IRAG2: variants seen among roughly 807,000 people sequenced by gnomAD.
The protein encoded by IRAG2 is lymphoid restricted membrane protein.
IRAG2 carries 45 observed loss-of-function variants against 69.9 expected under a neutral mutation model. The observed-to-expected ratio is 0.64, with a 90% CI of 0.51 to 0.83. The LOEUF is 0.83. IRAG2 is among the 40% of genes least tolerant of loss of function. The pLI is 0.00. For missense variants in IRAG2, 520 were observed against 587.0 expected (o/e 0.89, Z 1.18); for synonymous variants, 193 against 202.4 (o/e 0.95, Z 0.40).
At chr12:25,031,272 G>A (rs1209193643) in intron 10 of IRAG2, among the ~76,000 whole-genome samples, 3 of 152,156 alleles carry the variant, frequency 2.0e-5, no homozygotes, top group Admixed American at 6.5e-5. Flanking sequence ...TGGCTACTCA[G>A]TTCCTCCCTA....
intron 6 of IRAG2, 99 bp from the exon 7 acceptor site, chr12:25,079,145 G>C (rs747789076): frequency 2.5e-6 from 3 of 1,184,246 alleles, no homozygotes; most frequent in Non-Finnish European, 3.8e-6. Context: ...GTAAATATGG[G>C]TTCATTTAGA....
At chr12:25,004,442 C>T in exon 1 of IRAG2, 1 of 1,232,082 alleles carries the variant, frequency 8.1e-7, no homozygotes, top group African/African-American at 1.6e-5. Flanking sequence ...ATTTCAAATC[C>T]AATTCAGCAG....
rs553246727 is a variant in IRAG2 at position 25,014,163 on chromosome 12, C to T, written c.897-1019C>T. ...GTGCTGGGATTACAGGCGTGAGCCA[C>T]CAGGCCCGGCCTAATTTTTTGTTTT... On this transcript the variant is annotated intron_variant, in intron 3 of 38. Coordinates refer to the IRAG2 transcript ENST00000636465. Among the ~76,000 whole-genome samples the T allele has an allele frequency of 2.2e-4, 34 of 151,878 alleles. 2 individuals are homozygous for T. Among genetic ancestry groups the T allele is most frequent in the African/African-American group, 8.0e-4 (33 of 41,478 alleles).
intron 18 of IRAG2, 48 bp from the exon 19 acceptor site, chr12:25,103,961 T>A: frequency 1.9e-6 from 3 of 1,602,952 alleles, no homozygotes; most frequent in African/African-American, 1.3e-5. Flanking sequence ...ACAGAAAATA[T>A]AAACGTATAT....
At chr12:25,032,647 T>C (rs957442253) in intron 12 of IRAG2, among the ~76,000 whole-genome samples, 1 of 152,218 alleles carries the variant, frequency 6.6e-6, no homozygotes, top group Non-Finnish European at 1.5e-5. Flanking sequence ...AAGATCAGGA[T>C]GCCAGCAGGG....
intron 2 of IRAG2, among the ~76,000 whole-genome samples, chr12:25,007,774 G>A (rs979805126): frequency 2.6e-5 from 4 of 152,080 alleles, no homozygotes; most frequent in African/African-American, 4.8e-5. Context: ...CACTCACCTC[G>A]GCTTCCCAAA....
intron 4 of IRAG2, among the ~76,000 whole-genome samples, chr12:25,065,382 G>GA (rs569407241): frequency 8.2e-4 from 125 of 152,184 alleles, no homozygotes; most frequent in Admixed American, 1.6e-3. Flanking sequence ...ATTTCTGATT[G>GA]ACCCTAAACC....
At chr12:25,015,527 C>CT (rs1232372374) in intron 5 of IRAG2, 4 of 741,494 alleles carry the variant, frequency 5.4e-6, no homozygotes, top group African/African-American at 1.8e-5. Context: ...TCACTTTGCT[C>CT]TTTTTTTGCA....
At chr12:25,010,526 TTC>T (rs377727719) in intron 2 of IRAG2, among the ~76,000 whole-genome samples, 101 of 152,338 alleles carry the variant, frequency 6.6e-4, no homozygotes, top group Middle Eastern at 6.8e-3. Context: ...GTCATTTTAT[TTC>T]TCTTTCTAAT....
At chr12:25,032,754 T>A (rs1419830985) in intron 12 of IRAG2, among the ~76,000 whole-genome samples, 1 of 152,188 alleles carries the variant, frequency 6.6e-6, no homozygotes, top group South Asian at 2.1e-4. Flanking sequence ...TTTGGCTTCT[T>A]CTTATAAGGA....
At chr12:25,016,575 C>A (rs1944530562) in intron 5 of IRAG2, among the ~76,000 whole-genome samples, 1 of 152,058 alleles carries the variant, frequency 6.6e-6, no homozygotes, top group African/African-American at 2.4e-5. Flanking sequence ...CCAGCCTGGC[C>A]AACATGGTGA....
intron 6 of IRAG2, among the ~76,000 whole-genome samples, chr12:25,077,330 T>TATATATG (rs1565563391): frequency 0.011 from 137 of 12,082 alleles, no homozygotes; most frequent in African/African-American, 0.02. Context: ...ATATATATGA[T>TATATATG]ATATATATGA....
At chr12:25,086,817 A>T (rs755209545) in intron 10 of IRAG2, among the ~76,000 whole-genome samples, 1 of 152,188 alleles carries the variant, frequency 6.6e-6, no homozygotes, top group African/African-American at 2.4e-5. Context: ...AGCTGGTGAG[A>T]ACACTTTTCT....
chr12:25,096,727 C>T, intron 14 of IRAG2, 183 bp from the exon 15 acceptor site: 3 of 469,170 alleles, frequency 6.4e-6, no homozygotes, highest in Non-Finnish European at 1.1e-5. Flanking sequence ...GTATATCTAC[C>T]CAGTACCCAA....
At chr12:25,038,719 A>G (rs75155368) in intron 16 of IRAG2, among the ~76,000 whole-genome samples, 7,268 of 152,276 alleles carry the variant, frequency 0.048, 401 homozygotes, top group African/African-American at 0.14. Flanking sequence ...ATTACAAAAT[A>G]TAATCTTTTA....
intron 16 of IRAG2, among the ~76,000 whole-genome samples, chr12:25,041,877 T>TA (rs146283765): frequency 0.78 from 116,223 of 148,570 alleles, 47,296 homozygotes; most frequent in South Asian, 0.89. Context: ...TGTGACCCAT[T>TA]TAAAAAAAAG....
chr12:25,060,258 T>G (rs1245078848), intron 1 of IRAG2, among the ~76,000 whole-genome samples: 1 of 152,146 alleles, frequency 6.6e-6, no homozygotes, highest in Non-Finnish European at 1.5e-5. Flanking sequence ...TTCAAAAGAT[T>G]TGGGTTTATT....
intron 6 of IRAG2, among the ~76,000 whole-genome samples, chr12:25,075,518 A>ATGTG (rs1280825201): frequency 8.8e-6 from 1 of 113,434 alleles, no homozygotes; most frequent in Non-Finnish European, 1.8e-5. Context: ...GTGTGTGTGT[A>ATGTG]TGCGTGTGTG....
At chr12:25,035,435 A>G (rs1188051697) in intron 13 of IRAG2, 2 of 366,602 alleles carry the variant, frequency 5.5e-6, no homozygotes, top group African/African-American at 4.2e-5. Context: ...ATCTATTGAT[A>G]ATGAGTTTTC....
Sources: gnomAD v4.1 joint callset for allele counts (sites outside exome capture counted in the v4.1 genomes callset) on GRCh38, gnomAD v4.1.1 for gene constraint, MANE v1.5 for transcripts, NCBI Gene and HGNC (gene_info 2026-07-23, HGNC 2026-07-21) for gene names.